THSD7B: variants seen among roughly 807,000 people sequenced by gnomAD.
The protein encoded by THSD7B is thrombospondin type 1 domain containing 7B, also known as thrombospondin type-1 domain-containing protein 7B.
Under a neutral mutation model 213.6 loss-of-function variants are expected in THSD7B, and 138 were observed. The observed-to-expected ratio is 0.65, with a 90% CI of 0.56 to 0.74. THSD7B has a LOEUF of 0.74. Among genes scored for constraint, THSD7B ranks in the 30% least tolerant of loss-of-function variants. THSD7B has a pLI of 0.00. For synonymous variants in THSD7B, 742 were observed against 687.0 expected (o/e 1.08, Z -1.25); for missense variants, 1,931 against 1,991.5 (o/e 0.97, Z 0.58).
chr2:136,980,148 T>G (rs752437002), intron 2 of THSD7B, among the ~76,000 whole-genome samples: 19 of 152,198 alleles, frequency 1.2e-4, no homozygotes, highest in Non-Finnish European at 1.8e-4. Context: ...CCTTCCTCTG[T>G]GCAGTGGCCT....
intron 12 of THSD7B, among the ~76,000 whole-genome samples, chr2:137,363,440 A>C (rs1352104791): frequency 1.3e-5 from 2 of 152,196 alleles, no homozygotes; most frequent in African/African-American, 4.8e-5. Flanking sequence ...AAAATCAATG[A>C]ATCCAGGAGC....
chr2:137,622,285 T>C (rs553871431), intron 20 of THSD7B, among the ~76,000 whole-genome samples: 2 of 151,038 alleles, frequency 1.3e-5, no homozygotes, highest in South Asian at 4.2e-4. Context: ...AGTAACAACT[T>C]AGAAGCCCAA....
At chr2:136,901,333 G>A (rs1684059214) in intron 2 of THSD7B, among the ~76,000 whole-genome samples, 2 of 152,334 alleles carry the variant, frequency 1.3e-5, no homozygotes, top group East Asian at 1.9e-4. Context: ...GAAGGCCCAT[G>A]CCGAAGGAGA....
At chr2:137,008,943 A>G (rs1056663323) in intron 2 of THSD7B, among the ~76,000 whole-genome samples, 1 of 152,232 alleles carries the variant, frequency 6.6e-6, no homozygotes, top group Non-Finnish European at 1.5e-5. Context: ...AAAGGTTGAT[A>G]TAAAAATGCT....
intron 17 of THSD7B, among the ~76,000 whole-genome samples, chr2:137,610,662 G>C (rs1344339289): frequency 6.6e-6 from 1 of 152,104 alleles, no homozygotes; most frequent in East Asian, 1.9e-4. Context: ...AATTTATCTA[G>C]ATAGGCTGCA....
At chr2:137,622,169 C>T (rs35439181) in intron 20 of THSD7B, among the ~76,000 whole-genome samples, 1,984 of 152,242 alleles carry the variant, frequency 0.013, 27 homozygotes, top group Non-Finnish European at 0.02. Context: ...TGGGAACAAA[C>T]CAAATCCAAA....
intron 21 of THSD7B, among the ~76,000 whole-genome samples, chr2:137,651,915 A>G (rs1683148190): frequency 6.6e-6 from 1 of 152,064 alleles, no homozygotes; most frequent in African/African-American, 2.4e-5. Flanking sequence ...ATCAGAAAAC[A>G]TACTTGATAT....
chr2:137,310,923 T>A (rs1334887144), intron 12 of THSD7B, among the ~76,000 whole-genome samples: 13 of 152,028 alleles, frequency 8.6e-5, no homozygotes, highest in African/African-American at 3.1e-4. Flanking sequence ...TAGTATAGTT[T>A]GAAGTCAGGT....
At chr2:137,656,637 C>G (rs1683241270) in intron 22 of THSD7B, among the ~76,000 whole-genome samples, 159 bp from the exon 23 acceptor site, 1 of 152,162 alleles carries the variant, frequency 6.6e-6, no homozygotes, top group African/African-American at 2.4e-5. Context: ...CTTCATCATT[C>G]TTAGTACATT....
chr2:136,961,088 C>CAAAAA (rs57328048), intron 2 of THSD7B, among the ~76,000 whole-genome samples: 15 of 39,022 alleles, frequency 3.8e-4, no homozygotes, highest in African/African-American at 6.1e-4. Context: ...GACTCCGTCT[C>CAAAAA]AAAAAAAAAA....
chr2:136,840,466 T>G (rs1028117255), intron 1 of THSD7B, among the ~76,000 whole-genome samples: 1 of 152,004 alleles, frequency 6.6e-6, no homozygotes, highest in African/African-American at 2.4e-5. Flanking sequence ...TCCCACTGAG[T>G]TGGAAGTTGG....
intron 1 of THSD7B, among the ~76,000 whole-genome samples, chr2:136,834,807 C>T (rs917801838): frequency 6.6e-6 from 1 of 151,992 alleles, no homozygotes. Flanking sequence ...GGACAATTGA[C>T]CTCTAGAAAA....
At chr2:137,490,925 T>C (rs1573657744) in intron 15 of THSD7B, among the ~76,000 whole-genome samples, 1 of 152,254 alleles carries the variant, frequency 6.6e-6, no homozygotes, top group African/African-American at 2.4e-5. Flanking sequence ...AACCAGATTT[T>C]ATCCAAACAT....
At chr2:136,845,962 T>C (rs1683002736) in intron 1 of THSD7B, among the ~76,000 whole-genome samples, 1 of 152,156 alleles carries the variant, frequency 6.6e-6, no homozygotes, top group African/African-American at 2.4e-5. Context: ...GGCCATGGTG[T>C]GGATGGACTG....
chr2:137,621,963 A>G (rs1156271347), intron 20 of THSD7B, among the ~76,000 whole-genome samples: 3 of 152,152 alleles, frequency 2.0e-5, no homozygotes, highest in Non-Finnish European at 2.9e-5. Context: ...CAAGAGAGAG[A>G]AACTGAGGAA....
intron 21 of THSD7B, among the ~76,000 whole-genome samples, chr2:137,646,505 A>G (rs1169477927): frequency 6.7e-6 from 1 of 149,944 alleles, no homozygotes; most frequent in East Asian, 2.0e-4. Context: ...AAAAAAAAAA[A>G]GCTGAGTGTG....
In THSD7B at chr2:137,298,084, C is replaced by A. The variant is rs762264075; in HGVS notation, c.2500+22058C>A. Among the ~76,000 whole-genome samples, 5 of 152,056 alleles carry A rather than the reference C, an allele frequency of 3.3e-5. 1 individual carries two copies. Among genetic ancestry groups the A allele is most frequent in the Admixed American group, 6.6e-5 (1 of 15,260 alleles). ...TGTGGGAAAGTTTGGAACCTCCTAG[C>A]GACTTGCTGAATGGCCTTGACAAAA... On this transcript the variant is annotated intron_variant, in intron 12 of 27. Transcript: ENST00000409968.
At chr2:137,391,152 G>T (rs1433491831) in intron 12 of THSD7B, among the ~76,000 whole-genome samples, 1 of 152,056 alleles carries the variant, frequency 6.6e-6, no homozygotes, top group Non-Finnish European at 1.5e-5. Flanking sequence ...TTATTGGTCG[G>T]TTCAGGATTT....
At chr2:137,096,977 C>G (rs1305979965) in intron 4 of THSD7B, among the ~76,000 whole-genome samples, 1 of 152,150 alleles carries the variant, frequency 6.6e-6, no homozygotes, top group Non-Finnish European at 1.5e-5. Flanking sequence ...GAGAGTATCT[C>G]TTTTCCTTAG....
Sources: allele counts gnomAD v4.1 joint callset (sites outside exome capture counted in the v4.1 genomes callset), GRCh38; gene constraint gnomAD v4.1.1; transcripts MANE v1.5; gene names NCBI Gene and HGNC (gene_info 2026-07-23, HGNC 2026-07-21).